The following NLN variants were observed in gnomAD, a reference collection of about 807,000 sequenced individuals.
The protein encoded by NLN is neurolysin, mitochondrial.
NLN carries 64 observed loss-of-function variants against 79.9 expected under a neutral mutation model. The observed-to-expected ratio is 0.80, with a 90% CI of 0.65 to 0.99. The LOEUF is 0.99. NLN is among the 50% of genes least tolerant of loss of function. The pLI is 0.00. For synonymous variants in NLN, 267 were observed against 296.6 expected (o/e 0.90, Z 1.02); for missense variants, 835 against 858.7 (o/e 0.97, Z 0.34).
intron 9 of NLN, among the ~76,000 whole-genome samples, chr5:65,806,510 G>T (rs1216954961): frequency 6.6e-6 from 1 of 152,224 alleles, no homozygotes; most frequent in Non-Finnish European, 1.5e-5. Context: ...AGATATGGTA[G>T]AAACAGCAGG....
At chr5:65,752,678 G>C (rs1174178395) in intron 1 of NLN, among the ~76,000 whole-genome samples, 1 of 152,188 alleles carries the variant, frequency 6.6e-6, no homozygotes, top group Non-Finnish European at 1.5e-5. Context: ...GCTTGAAAAT[G>C]TAACAAAGGG....
chr5:65,747,421 A>C (rs2150740717), intron 1 of NLN, among the ~76,000 whole-genome samples: 1 of 152,266 alleles, frequency 6.6e-6, no homozygotes, highest in East Asian at 1.9e-4. Context: ...ATGAGAATAG[A>C]GAAGGTAGCT....
Position 65,788,334 on chromosome 5 carries a change from G to T in NLN, c.1175G>T (p.Gly392Val), listed in dbSNP as rs1430588878. ...EYFPIEVVTE[G>V]LLNTYQELLG... is the part of the protein sequence containing the mutation. ...TTCCCAATTGAGGTGGTCACTGAAG[G>T]CTTGCTGAACACCTACCAGGAGTTG... Residue 392 changes from glycine (G) to valine (V), a missense_variant, in exon 8 of 13, where the codon GGC becomes GTC. By Grantham distance (109) the Gly-to-Val change is moderately radical. Coordinates refer to ENST00000380985, the MANE Select transcript of NLN (RefSeq NM_020726.5). 6.2e-7 allele frequency: 1 copy of T among 1,614,132 alleles called. No individual in the cohort carries two copies. The highest frequency in any genetic ancestry group is 1.7e-5 in the Admixed American group (1 of 60,020).
intron 6 of NLN, among the ~76,000 whole-genome samples, chr5:65,784,276 TAAAA>T (rs1759866797): frequency 1.8e-5 from 1 of 55,548 alleles, no homozygotes; most frequent in Admixed American, 2.9e-4. Flanking sequence ...AAGAAAATAA[TAAAA>T]TAATATCAAT....
chr5:65,780,358 C>A, intron 5 of NLN, 77 bp downstream of exon 5: 1 of 590,028 alleles, frequency 1.7e-6, no homozygotes, highest in Non-Finnish European at 3.0e-6. Flanking sequence ...TTTTACTTTC[C>A]AGATACAAAA....
chr5:65,743,519 A>G (rs1459645042), intron 1 of NLN, among the ~76,000 whole-genome samples: 1 of 152,226 alleles, frequency 6.6e-6, no homozygotes, highest in Non-Finnish European at 1.5e-5. Flanking sequence ...CTCTACATCA[A>G]TTCCATTAGC....
At chr5:65,800,663 C>CTTATTTAT (rs1554033902) in intron 9 of NLN, among the ~76,000 whole-genome samples, 14,615 of 142,680 alleles carry the variant, frequency 0.1, 1,128 homozygotes, top group African/African-American at 0.2. Context: ...AGAAAACTCT[C>CTTATTTAT]TTATTTATTT....
chr5:65,765,514 A>G (rs901288178), intron 3 of NLN, among the ~76,000 whole-genome samples: 3 of 152,030 alleles, frequency 2.0e-5, no homozygotes, highest in African/African-American at 7.2e-5. Context: ...GCAAAACTTC[A>G]TCTCAAAAAA....
intron 1 of NLN, among the ~76,000 whole-genome samples, chr5:65,737,955 G>A: frequency 6.6e-6 from 1 of 151,958 alleles, no homozygotes; most frequent in East Asian, 1.9e-4. Context: ...ACATGGCAAA[G>A]CCGTATCTCT....
chr5:65,802,718 C>T (rs2561201), intron 9 of NLN, among the ~76,000 whole-genome samples: 81,724 of 151,968 alleles, frequency 0.54, 22,311 homozygotes, highest in Non-Finnish European at 0.58. Context: ...TTAGAGGAGA[C>T]GCACAATGGG....
intron 3 of NLN, among the ~76,000 whole-genome samples, chr5:65,772,461 T>C (rs1220328701): frequency 6.6e-6 from 1 of 152,154 alleles, no homozygotes; most frequent in African/African-American, 2.4e-5. Flanking sequence ...GATGGCATAT[T>C]GAATTAGTAG....
intron 1 of NLN, among the ~76,000 whole-genome samples, chr5:65,738,857 A>G (rs966399304): frequency 4.7e-5 from 7 of 148,374 alleles, no homozygotes; most frequent in Non-Finnish European, 1.0e-4. Context: ...CCCAAGTTCA[A>G]GTGATTCTCC....
chr5:65,776,234 A>G (rs1579941751), intron 3 of NLN, among the ~76,000 whole-genome samples: 1 of 152,240 alleles, frequency 6.6e-6, no homozygotes, highest in East Asian at 1.9e-4. Flanking sequence ...AGCCTGGGTG[A>G]CAGAGCAAGA....
rs1295983966 is a variant in NLN, at chr5:65,824,143, T to C, written c.*1228T>C. The C allele has an allele frequency of 6.6e-6, 1 of 151,834 alleles. No homozygotes were observed. Among genetic ancestry groups the C allele is most frequent in the African/African-American group, 2.4e-5 (1 of 41,332 alleles). The allele number at this position is 151,834 out of a possible 1,614,324, so 9.4% of individuals were successfully genotyped here. A position where few individuals can be genotyped will look rare whatever the true frequency, so the allele number is the denominator to read the frequency against. On this transcript the variant is annotated 3_prime_UTR_variant, in exon 13 of 13. Coordinates refer to ENST00000380985, the MANE Select transcript of NLN (RefSeq NM_020726.5). Reference sequence around the variant, plus strand: ...GGAAACCAAGACAGGATAATAAAATTTAAAAAAAAAACAACTTTGAATTCC... The same window carrying C: ...GGAAACCAAGACAGGATAATAAAATCTAAAAAAAAAACAACTTTGAATTCC...
In NLN at chr5:65,800,458, G is replaced by A. The variant is rs1352655121; in HGVS notation, c.1527+7803G>A. ...TGGGAGGCAGAGGCGGGCAGATCAC[G>A]AGGTCAGGAGATCGAGACCATCCTG... On this transcript the variant is annotated intron_variant, in intron 9 of 12. Coordinates refer to ENST00000380985, the MANE Select transcript of NLN (RefSeq NM_020726.5). Among the ~76,000 whole-genome samples, 6 of 152,038 alleles carry A rather than the reference G, an allele frequency of 3.9e-5. No individual in the cohort carries two copies. In the East Asian group the frequency reaches 5.8e-4, roughly 15 times the overall value.
intron 8 of NLN, 99 bp from the exon 9 acceptor site, chr5:65,792,355 C>A: frequency 2.7e-6 from 2 of 730,788 alleles, no homozygotes; most frequent in Non-Finnish European, 4.7e-6. Context: ...AAAGGCATCT[C>A]TGGTAACAGA....
chr5:65,785,963 A>C, intron 7 of NLN, 53 bp downstream of exon 7: 1 of 1,538,094 alleles, frequency 6.5e-7, no homozygotes. Context: ...TGTCAACCAG[A>C]CAGAAGGCCT....
At chr5:65,802,363 C>T (rs1214170054) in intron 9 of NLN, among the ~76,000 whole-genome samples, 3 of 152,312 alleles carry the variant, frequency 2.0e-5, no homozygotes, top group Admixed American at 6.5e-5. Flanking sequence ...AGGCTGCAGC[C>T]GGACCAGGCG....
intron 1 of NLN, among the ~76,000 whole-genome samples, chr5:65,731,737 A>ATTT (rs1758612834): frequency 7.2e-5 from 4 of 55,572 alleles, no homozygotes; most frequent in African/African-American, 1.4e-4. Flanking sequence ...AATCACCTAC[A>ATTT]TTTTCTTTTT....
Sources: gnomAD v4.1 joint callset for allele counts (sites outside exome capture counted in the v4.1 genomes callset) on GRCh38, gnomAD v4.1.1 for gene constraint, MANE v1.5 for transcripts, NCBI Gene and HGNC (gene_info 2026-07-23, HGNC 2026-07-21) for gene names.